The following MAML3 variants were observed in gnomAD, a reference collection of about 807,000 sequenced individuals.
The protein encoded by MAML3 is mastermind like transcriptional coactivator 3, also known as mastermind-like protein 3.
A neutral mutation model predicts 101.9 loss-of-function variants in MAML3; 27 were observed. The ratio of observed to expected loss-of-function variants is 0.27; its 90% CI spans 0.20 to 0.37. MAML3 has a LOEUF of 0.37. Among genes scored for constraint, MAML3 ranks in the 10% least tolerant of loss-of-function variants. The pLI is 1.00. For synonymous variants in MAML3, 501 were observed against 555.9 expected (o/e 0.90, Z 1.39); for missense variants, 1,316 against 1,444.9 (o/e 0.91, Z 1.45).
At chr4:139,872,292 G>T (rs79665557) in intron 2 of MAML3, among the ~76,000 whole-genome samples, 6,682 of 152,186 alleles carry the variant, frequency 0.044, 200 homozygotes, top group African/African-American at 0.09. Flanking sequence ...TCCTTTGTGA[G>T]GCTCACAATA....
intron 1 of MAML3, among the ~76,000 whole-genome samples, chr4:139,908,077 G>A (rs1237313438): frequency 1.3e-5 from 2 of 152,134 alleles, no homozygotes; most frequent in Non-Finnish European, 2.9e-5. Flanking sequence ...ATCCTCTCTG[G>A]AACTCAGTTA....
At chr4:140,071,198 C>G (rs959785761) in intron 1 of MAML3, among the ~76,000 whole-genome samples, 1 of 152,144 alleles carries the variant, frequency 6.6e-6, no homozygotes, top group African/African-American at 2.4e-5. Flanking sequence ...GCAGACGACC[C>G]ATGTGTGCAC....
intron 2 of MAML3, among the ~76,000 whole-genome samples, chr4:139,855,575 C>T (rs777411967): frequency 1.3e-4 from 20 of 152,036 alleles, no homozygotes; most frequent in Non-Finnish European, 1.2e-4. Flanking sequence ...TAAAAATCAC[C>T]GGAGAATTTA....
intron 1 of MAML3, among the ~76,000 whole-genome samples, chr4:140,014,924 G>A (rs1726618530): frequency 6.6e-6 from 1 of 152,114 alleles, no homozygotes; most frequent in African/African-American, 2.4e-5. Context: ...CAAGTGAGTT[G>A]GTCTGGCAAT....
intron 1 of MAML3, among the ~76,000 whole-genome samples, chr4:140,142,331 GA>G: frequency 6.6e-6 from 1 of 152,292 alleles, no homozygotes; most frequent in African/African-American, 2.4e-5. Flanking sequence ...AAATAACATT[GA>G]GGGGAGGAAT....
intron 1 of MAML3, among the ~76,000 whole-genome samples, chr4:139,956,652 T>C (rs999140365): frequency 6.6e-6 from 1 of 152,162 alleles, no homozygotes; most frequent in South Asian, 2.1e-4. Context: ...CATTCCAGAC[T>C]CCACCCCTGC....
intron 1 of MAML3, among the ~76,000 whole-genome samples, chr4:140,052,917 G>A (rs1416670373): frequency 6.6e-6 from 1 of 152,078 alleles, no homozygotes; most frequent in African/African-American, 2.4e-5. Context: ...TCCTAACAGG[G>A]AAAGTGAGTA....
At chr4:139,894,603 C>T (rs10012743) in intron 1 of MAML3, among the ~76,000 whole-genome samples, 437 of 152,102 alleles carry the variant, frequency 2.9e-3, no homozygotes, top group African/African-American at 9.4e-3. Context: ...AGTAAAAGTC[C>T]AGTCTAACCC....
chr4:140,070,017 G>A (rs1287856441), intron 1 of MAML3, among the ~76,000 whole-genome samples: 1 of 152,096 alleles, frequency 6.6e-6, no homozygotes, highest in African/African-American at 2.4e-5. Flanking sequence ...TCAGGAGGCT[G>A]AGGTAGGAGA....
chr4:139,792,580 G>A (rs1232889412), intron 2 of MAML3, among the ~76,000 whole-genome samples: 1 of 152,096 alleles, frequency 6.6e-6, no homozygotes, highest in Non-Finnish European at 1.5e-5. Context: ...CTGCTTATAA[G>A]CTACCCAGAC....
At chr4:139,795,607 C>A (rs116823782) in intron 2 of MAML3, among the ~76,000 whole-genome samples, 1 of 152,156 alleles carries the variant, frequency 6.6e-6, no homozygotes, top group Non-Finnish European at 1.5e-5. Context: ...TGGTAAGTAA[C>A]GGACTCCATT....
At chr4:139,792,462 A>G (rs1314215090) in intron 2 of MAML3, among the ~76,000 whole-genome samples, 4 of 152,244 alleles carry the variant, frequency 2.6e-5, no homozygotes, top group Admixed American at 2.6e-4. Flanking sequence ...CAAACATTCT[A>G]TAATAATATA....
chr4:139,878,151 G>A (rs1357998178), intron 2 of MAML3, among the ~76,000 whole-genome samples: 9 of 152,214 alleles, frequency 5.9e-5, no homozygotes, highest in African/African-American at 2.2e-4. Context: ...TATAATCTAA[G>A]TTGGCCACGG....
chr4:140,105,004 T>C (rs899821276), intron 1 of MAML3, among the ~76,000 whole-genome samples: 1 of 152,136 alleles, frequency 6.6e-6, no homozygotes, highest in African/African-American at 2.4e-5. Flanking sequence ...GCACAGAGGA[T>C]CCAGAGTGTT....
At chr4:139,749,896 C>A (rs1309621145) in intron 2 of MAML3, among the ~76,000 whole-genome samples, 1 of 134,104 alleles carries the variant, frequency 7.5e-6, no homozygotes, top group Non-Finnish European at 1.6e-5. Flanking sequence ...CCCCCCCCCA[C>A]CCTATTCTGC....
intron 1 of MAML3, among the ~76,000 whole-genome samples, chr4:140,002,768 G>A (rs769551077): frequency 4.4e-4 from 67 of 152,188 alleles, no homozygotes; most frequent in South Asian, 2.9e-3. Flanking sequence ...GGCAAGTACC[G>A]CTTGATTTGT....
chr4:140,114,368 G>A (rs1029667806), intron 1 of MAML3, among the ~76,000 whole-genome samples: 3 of 152,290 alleles, frequency 2.0e-5, no homozygotes, highest in South Asian at 4.1e-4. Context: ...TTGAAAAAAT[G>A]TTTGCTGAAT....
intron 2 of MAML3, among the ~76,000 whole-genome samples, chr4:139,885,849 C>T (rs191164383): frequency 9.6e-4 from 130 of 135,276 alleles, no homozygotes; most frequent in Non-Finnish European, 1.5e-3. Context: ...AGGAGAATGG[C>T]GTGAACCCGG....
intron 2 of MAML3, among the ~76,000 whole-genome samples, chr4:139,801,678 GTGTC>G (rs1026255348): frequency 0.014 from 1,147 of 84,236 alleles, 6 homozygotes; most frequent in South Asian, 0.022. Flanking sequence ...GTGTGTGTGT[GTGTC>G]TGTGTGTGTG....
Sources: allele counts gnomAD v4.1 joint callset (sites outside exome capture counted in the v4.1 genomes callset), GRCh38; gene constraint gnomAD v4.1.1; transcripts MANE v1.5; gene names NCBI Gene and HGNC (gene_info 2026-07-23, HGNC 2026-07-21).